Variants in GPC5 observed in about 807,000 individuals in gnomAD.
GPC5 encodes the protein glypican-5.
Under a neutral mutation model 53.9 loss-of-function variants are expected in GPC5, and 47 were observed. The ratio of observed to expected loss-of-function variants is 0.87; its 90% confidence interval spans 0.69 to 1.11. GPC5 has a LOEUF of 1.11. GPC5 is among the 50% of genes most tolerant of loss of function. The pLI is 0.00. For missense variants in GPC5, 748 were observed against 713.1 expected (o/e 1.05, Z -0.56); for synonymous variants, 286 against 263.3 (o/e 1.09, Z -0.84).
intron 1 of GPC5, among the ~76,000 whole-genome samples, chr13:91,432,209 G>GTGTGTA (rs1879527339): frequency 4.7e-5 from 5 of 105,700 alleles, no homozygotes; most frequent in African/African-American, 1.9e-4. Context: ...GCTGCTGTGT[G>GTGTGTA]TGTGTGTGTG....
chr13:91,930,573 G>T (rs1328545843), intron 6 of GPC5, among the ~76,000 whole-genome samples: 1 of 151,760 alleles, frequency 6.6e-6, no homozygotes, highest in East Asian at 1.9e-4. Flanking sequence ...TCAGTATTCA[G>T]CCTTTTTTGT....
chr13:92,521,448 A>G (rs575919429), intron 7 of GPC5, among the ~76,000 whole-genome samples: 14 of 152,310 alleles, frequency 9.2e-5, no homozygotes, highest in African/African-American at 3.1e-4. Context: ...AATGGAACAG[A>G]ACAGAGGCCT....
chr13:92,022,325 G>A (rs1432304897), intron 6 of GPC5, among the ~76,000 whole-genome samples: 2 of 152,066 alleles, frequency 1.3e-5, no homozygotes, highest in Non-Finnish European at 2.9e-5. Flanking sequence ...TTGTATAGCA[G>A]TTGTGGGGGA....
At chr13:92,168,868 A>C (rs1308796926) in intron 7 of GPC5, among the ~76,000 whole-genome samples, 1 of 152,244 alleles carries the variant, frequency 6.6e-6, no homozygotes. Context: ...TTCTATTATA[A>C]AGATACATGC....
At chr13:92,236,697 C>G (rs561378633) in intron 7 of GPC5, among the ~76,000 whole-genome samples, 1 of 152,194 alleles carries the variant, frequency 6.6e-6, no homozygotes, top group South Asian at 2.1e-4. Flanking sequence ...CAATTCAGTG[C>G]ATATCATCAC....
intron 6 of GPC5, among the ~76,000 whole-genome samples, chr13:92,062,360 G>A (rs2041131394): frequency 6.6e-6 from 1 of 151,896 alleles, no homozygotes; most frequent in South Asian, 2.1e-4. Flanking sequence ...CTGTTTCCAA[G>A]TTTATATTTG....
intron 7 of GPC5, among the ~76,000 whole-genome samples, chr13:92,234,013 A>C (rs2042551019): frequency 6.6e-6 from 1 of 152,152 alleles, no homozygotes; most frequent in African/African-American, 2.4e-5. Flanking sequence ...GCTGCATAGT[A>C]TTCCATGGTG....
At chr13:91,945,387 C>A (rs749347790) in intron 6 of GPC5, among the ~76,000 whole-genome samples, 1 of 152,144 alleles carries the variant, frequency 6.6e-6, no homozygotes, top group Non-Finnish European at 1.5e-5. Context: ...TTGTATTTCA[C>A]TTCATGGTCT....
intron 5 of GPC5, among the ~76,000 whole-genome samples, chr13:91,899,298 T>C (rs1417038533): frequency 6.6e-6 from 1 of 152,178 alleles, no homozygotes; most frequent in African/African-American, 2.4e-5. Context: ...AAATACTAGA[T>C]ATCATGTACT....
chr13:92,824,807 CCT>C (rs1324133765), intron 7 of GPC5, among the ~76,000 whole-genome samples: 8 of 151,226 alleles, frequency 5.3e-5, no homozygotes, highest in Non-Finnish European at 8.8e-5. Context: ...AATCTACAAG[CCT>C]CTGTCCACAA....
chr13:92,149,381 GA>G (rs2041891268), intron 7 of GPC5, among the ~76,000 whole-genome samples: 2 of 152,154 alleles, frequency 1.3e-5, no homozygotes, highest in Non-Finnish European at 2.9e-5. Context: ...TATTGGAACA[GA>G]AAGTATCTGA....
rs535739303 is a variant in GPC5, at chr13:91,603,589, A to G, written c.326-89598A>G. The stretch of plus-strand genomic sequence containing the variant: ...AGGTGTTATTGCTGAATTTACTGAA[A>G]TTTGTATGTATAGGTTAATAGGATC... On this transcript the variant is annotated intron_variant, in intron 2 of 7. Transcript: ENST00000377067. Among the ~76,000 whole-genome samples, 4 of 152,326 alleles carry G rather than the reference A, an allele frequency of 2.6e-5. No individual in the cohort carries two copies. The South Asian group carries it at 8.3e-4, about 32-fold the overall frequency.
chr13:92,755,519 C>T (rs1594483112), intron 7 of GPC5, among the ~76,000 whole-genome samples: 2 of 151,818 alleles, frequency 1.3e-5, no homozygotes, highest in Admixed American at 1.3e-4. Context: ...AAAAACCCTT[C>T]AAAAAATCAA....
intron 1 of GPC5, among the ~76,000 whole-genome samples, chr13:91,418,772 T>C (rs1213159990): frequency 6.6e-6 from 1 of 152,150 alleles, no homozygotes; most frequent in Non-Finnish European, 1.5e-5. Flanking sequence ...GGTATTCCTT[T>C]AATACTTCTT....
At chr13:92,631,705 T>C (rs1885245425) in intron 7 of GPC5, among the ~76,000 whole-genome samples, 1 of 152,160 alleles carries the variant, frequency 6.6e-6, no homozygotes, top group South Asian at 2.1e-4. Flanking sequence ...AGGATGAGCA[T>C]CCTTAATCTG....
intron 2 of GPC5, among the ~76,000 whole-genome samples, chr13:91,635,066 T>C (rs1473992234): frequency 1.3e-5 from 2 of 152,104 alleles, no homozygotes; most frequent in Non-Finnish European, 2.9e-5. Context: ...GAGAATTGAA[T>C]GGAAGATTAA....
At chr13:92,234,645 CTAG>C (rs1162509453) in intron 7 of GPC5, among the ~76,000 whole-genome samples, 1 of 152,000 alleles carries the variant, frequency 6.6e-6, no homozygotes, top group African/African-American at 2.4e-5. Context: ...CATTGTAAAA[CTAG>C]TAGAAGATAA....
chr13:92,680,084 G>A (rs1674392872), intron 7 of GPC5, among the ~76,000 whole-genome samples: 1 of 152,036 alleles, frequency 6.6e-6, no homozygotes, highest in African/African-American at 2.4e-5. Context: ...TAGCTCTGAG[G>A]AAGTTTGAGA....
At chr13:91,522,256 C>G (rs1315938415) in intron 2 of GPC5, among the ~76,000 whole-genome samples, 1 of 152,188 alleles carries the variant, frequency 6.6e-6, no homozygotes, top group Non-Finnish European at 1.5e-5. Context: ...TCTCAACTCT[C>G]TAAACGTGCC....
Sources: gnomAD v4.1 joint callset for allele counts (sites outside exome capture counted in the v4.1 genomes callset) on GRCh38, gnomAD v4.1.1 for gene constraint, MANE v1.5 for transcripts, NCBI Gene and HGNC (gene_info 2026-07-23, HGNC 2026-07-21) for gene names.